Variants in CRIM1 observed in about 807,000 individuals in gnomAD.
The protein encoded by CRIM1 is cysteine-rich motor neuron 1 protein.
CRIM1 carries 32 observed loss-of-function variants against 116.4 expected under a neutral mutation model. That is an observed-to-expected ratio of 0.27 (90% CI 0.21 to 0.37). CRIM1 has a LOEUF of 0.37. CRIM1 is among the 10% of genes least tolerant of loss of function. The pLI, the probability that CRIM1 is intolerant of heterozygous loss-of-function variation, is 1.00. For synonymous variants in CRIM1, 590 were observed against 509.2 expected (o/e 1.16, Z -2.13); for missense variants, 1,331 against 1,354.8 (o/e 0.98, Z 0.28).
intron 2 of CRIM1, among the ~76,000 whole-genome samples, chr2:36,399,182 C>T (rs1347001486): frequency 6.6e-6 from 1 of 152,178 alleles, no homozygotes; most frequent in Non-Finnish European, 1.5e-5. Context: ...ATGTCTTAAA[C>T]ATTGTGCAAC....
At chr2:36,399,689 G>A (rs541350763) in intron 2 of CRIM1, among the ~76,000 whole-genome samples, 174 of 152,278 alleles carry the variant, frequency 1.1e-3, no homozygotes, top group Non-Finnish European at 1.8e-3. Context: ...GATCATGACC[G>A]GAATGATTTA....
chr2:36,530,244 T>C (rs930738063), intron 13 of CRIM1, among the ~76,000 whole-genome samples: 1 of 152,214 alleles, frequency 6.6e-6, no homozygotes, highest in Non-Finnish European at 1.5e-5. Flanking sequence ...TTCATTCTTT[T>C]ACAGTCTGTA....
intron 2 of CRIM1, among the ~76,000 whole-genome samples, chr2:36,398,534 CTGTT>C (rs1328443337): frequency 6.6e-6 from 1 of 152,188 alleles, no homozygotes; most frequent in Non-Finnish European, 1.5e-5. Context: ...TCTAAAAAGG[CTGTT>C]TGTGAGATCC....
At chr2:36,407,223 A>G (rs529895119) in intron 2 of CRIM1, among the ~76,000 whole-genome samples, 1 of 152,348 alleles carries the variant, frequency 6.6e-6, no homozygotes, top group Admixed American at 6.5e-5. Flanking sequence ...GAGCATATAT[A>G]CAGAAGCACA....
intron 1 of CRIM1, among the ~76,000 whole-genome samples, chr2:36,372,269 C>A (rs985808739): frequency 6.6e-6 from 1 of 152,150 alleles, no homozygotes; most frequent in African/African-American, 2.4e-5. Flanking sequence ...AAGCAAAATT[C>A]CGTTTGGATT....
intron 2 of CRIM1, among the ~76,000 whole-genome samples, chr2:36,409,605 T>C (rs1673063496): frequency 6.6e-6 from 1 of 152,134 alleles, no homozygotes; most frequent in Non-Finnish European, 1.5e-5. Context: ...ATAATGAGGG[T>C]AGAGCAGCCA....
intron 13 of CRIM1, among the ~76,000 whole-genome samples, chr2:36,535,973 C>T (rs1189704016): frequency 6.6e-6 from 1 of 152,182 alleles, no homozygotes. Flanking sequence ...ACATGAGCGT[C>T]TTTGGATTTT....
intron 8 of CRIM1, among the ~76,000 whole-genome samples, chr2:36,503,208 C>T (rs886199798): frequency 2.0e-5 from 3 of 152,180 alleles, no homozygotes; most frequent in Non-Finnish European, 2.9e-5. Context: ...AGGCTCTGCA[C>T]AGCAGCTTTT....
intron 4 of CRIM1, among the ~76,000 whole-genome samples, chr2:36,444,444 T>G (rs1466973517): frequency 2.0e-5 from 3 of 152,192 alleles, no homozygotes; most frequent in Non-Finnish European, 4.4e-5. Context: ...AAGAATTGTA[T>G]TAGGTTGGAA....
At chr2:36,499,147 T>C (rs1396704594) in intron 7 of CRIM1, 72 bp from the exon 8 acceptor site, 14 of 1,237,236 alleles carry the variant, frequency 1.1e-5, no homozygotes, top group Non-Finnish European at 1.6e-5. Context: ...GGTGTGGAAT[T>C]TCAAAAATTG....
At chr2:36,373,820 A>T (rs1369649621) in intron 1 of CRIM1, among the ~76,000 whole-genome samples, 1 of 152,196 alleles carries the variant, frequency 6.6e-6, no homozygotes, top group African/African-American at 2.4e-5. Context: ...AATTGCTCAC[A>T]GGGTCATGTG....
intron 1 of CRIM1, among the ~76,000 whole-genome samples, chr2:36,357,122 ACT>A (rs1244960815): frequency 1.3e-5 from 2 of 151,750 alleles, no homozygotes; most frequent in Admixed American, 6.6e-5. Flanking sequence ...TCCCCGAGTG[ACT>A]CTTATTATTT....
intron 7 of CRIM1, among the ~76,000 whole-genome samples, chr2:36,483,509 C>T (rs147417764): frequency 3.9e-5 from 6 of 152,256 alleles, no homozygotes; most frequent in Non-Finnish European, 5.9e-5. Flanking sequence ...ACACAAAGTT[C>T]GGAGGCCATG....
At chr2:36,407,475 T>G (rs1324705331) in intron 2 of CRIM1, among the ~76,000 whole-genome samples, 2 of 152,136 alleles carry the variant, frequency 1.3e-5, no homozygotes, top group Admixed American at 6.5e-5. Flanking sequence ...AGAAACATGT[T>G]TTAAATCGTT....
chr2:36,403,171 A>C (rs1275454338), intron 2 of CRIM1, among the ~76,000 whole-genome samples: 1 of 152,212 alleles, frequency 6.6e-6, no homozygotes, highest in Admixed American at 6.5e-5. Context: ...GCTGCATCAC[A>C]CATCACATGG....
At chr2:36,417,785 G>C (rs1673738238) in intron 2 of CRIM1, among the ~76,000 whole-genome samples, 1 of 152,150 alleles carries the variant, frequency 6.6e-6, no homozygotes, top group Non-Finnish European at 1.5e-5. Flanking sequence ...CCACTCACTA[G>C]AATAGAAAGT....
chr2:36,444,761 T>G (rs1423953893), intron 4 of CRIM1, among the ~76,000 whole-genome samples: 1 of 152,210 alleles, frequency 6.6e-6, no homozygotes, highest in South Asian at 2.1e-4. Context: ...GAACAGGGTC[T>G]CCTCCTCCAG....
intron 2 of CRIM1, among the ~76,000 whole-genome samples, chr2:36,438,065 G>A (rs2124925579): frequency 6.6e-6 from 1 of 151,034 alleles, no homozygotes; most frequent in South Asian, 2.1e-4. Flanking sequence ...CCAGGAGGTG[G>A]AGGTTGCAGT....
chr2:36,539,840 A>G (rs192984718), intron 14 of CRIM1, among the ~76,000 whole-genome samples: 1 of 152,332 alleles, frequency 6.6e-6, no homozygotes, highest in Admixed American at 6.5e-5. Flanking sequence ...GAATAGACAA[A>G]TATCTAATCT....
Sources: gnomAD v4.1 joint callset for allele counts (sites outside exome capture counted in the v4.1 genomes callset) on GRCh38, gnomAD v4.1.1 for gene constraint, MANE v1.5 for transcripts, NCBI Gene and HGNC (gene_info 2026-07-23, HGNC 2026-07-21) for gene names.